Variants in SYT1 observed in about 807,000 individuals in gnomAD.
SYT1 encodes synaptotagmin 1.
In SYT1, 8 loss-of-function variants were observed where a neutral mutation model predicts 44.8. The observed-to-expected ratio is 0.18, with a 90% CI of 0.10 to 0.32. The LOEUF (loss-of-function observed/expected upper bound fraction) is 0.32, where lower values mean the gene tolerates loss of function less well. Ranked by LOEUF, SYT1 falls within the 10% of genes least tolerant of loss-of-function variation. SYT1 has a pLI of 1.00. For synonymous variants in SYT1, 154 were observed against 188.8 expected (o/e 0.82, Z 1.51); for missense variants, 286 against 509.3 (o/e 0.56, Z 4.22).
At chr12:78,966,076 C>CA (rs1355976130) in intron 1 of SYT1, among the ~76,000 whole-genome samples, 2,394 of 80,306 alleles carry the variant, frequency 0.03, 24 homozygotes, top group South Asian at 0.045. Flanking sequence ...GACTCTGTCT[C>CA]AAAAAAAAAA....
chr12:79,143,656 A>G (rs1869702634), intron 3 of SYT1, among the ~76,000 whole-genome samples: 2 of 152,228 alleles, frequency 1.3e-5, no homozygotes, highest in African/African-American at 4.8e-5. Flanking sequence ...ACAAGTAGTC[A>G]TCCTCAAATT....
chr12:79,293,185 G>A (rs1592937277), intron 6 of SYT1, among the ~76,000 whole-genome samples: 2 of 150,206 alleles, frequency 1.3e-5, no homozygotes, highest in Admixed American at 1.3e-4. Flanking sequence ...TTAGCTGGGC[G>A]TGGTGACAGG....
intron 3 of SYT1, among the ~76,000 whole-genome samples, chr12:79,195,589 G>T (rs996590482): frequency 6.6e-6 from 1 of 151,812 alleles, no homozygotes; most frequent in Non-Finnish European, 1.5e-5. Flanking sequence ...AGAAACATGG[G>T]GACTATTTGG....
rs954773850 is a variant in SYT1, at chr12:78,880,932, A to G, written c.-217+15823A>G. On this transcript the variant is annotated intron_variant, in intron 1 of 10. Transcript: ENST00000261205. ...TGAATTTTCCTCCTAACTATTGCTAATTTGTTTCTCTAATCTCACACTAAT... is the reference window on the plus strand; with the variant it reads ...TGAATTTTCCTCCTAACTATTGCTAGTTTGTTTCTCTAATCTCACACTAAT... Among the ~76,000 whole-genome samples the G allele has an allele frequency of 2.6e-5, 4 of 151,584 alleles. No homozygotes were observed. In the Admixed American group the frequency reaches 2.6e-4, roughly 10 times the overall value.
intron 4 of SYT1, among the ~76,000 whole-genome samples, chr12:79,244,522 A>G (rs560682102): frequency 3.3e-5 from 5 of 152,206 alleles, no homozygotes; most frequent in South Asian, 2.1e-4. Context: ...CCTGGCCAAC[A>G]TGGTAAAATC....
At chr12:79,256,323 A>G (rs544895109) in intron 4 of SYT1, among the ~76,000 whole-genome samples, 3 of 152,350 alleles carry the variant, frequency 2.0e-5, no homozygotes, top group East Asian at 1.9e-4. Context: ...AACCCATTCA[A>G]TGTTGAAAAC....
chr12:79,032,028 T>G (rs1326503737), intron 2 of SYT1, among the ~76,000 whole-genome samples: 2 of 151,268 alleles, frequency 1.3e-5, no homozygotes, highest in East Asian at 3.9e-4. Flanking sequence ...ATCAAGTAAC[T>G]TTTTTCACGT....
intron 1 of SYT1, among the ~76,000 whole-genome samples, chr12:78,970,076 C>T (rs1490949497): frequency 2.0e-5 from 3 of 152,094 alleles, no homozygotes; most frequent in Non-Finnish European, 4.4e-5. Flanking sequence ...GTAAAGATCT[C>T]AGTCAGTCCA....
At chr12:79,247,343 AT>A (rs1196681800) in intron 4 of SYT1, among the ~76,000 whole-genome samples, 3 of 152,208 alleles carry the variant, frequency 2.0e-5, no homozygotes, top group African/African-American at 7.2e-5. Flanking sequence ...TCTAATATGT[AT>A]AACTCATGAG....
intron 1 of SYT1, among the ~76,000 whole-genome samples, chr12:78,891,804 T>C (rs1237817718): frequency 6.6e-6 from 1 of 151,830 alleles, no homozygotes; most frequent in African/African-American, 2.4e-5. Context: ...CTACAGCTTC[T>C]CTTTAAAAGC....
At chr12:79,021,460 A>G (rs1387868828) in intron 2 of SYT1, among the ~76,000 whole-genome samples, 1 of 151,914 alleles carries the variant, frequency 6.6e-6, no homozygotes, top group African/African-American at 2.4e-5. Context: ...GCATATATAG[A>G]TAGTGAGGAG....
At chr12:79,411,543 C>T (rs1438059132) in intron 9 of SYT1, among the ~76,000 whole-genome samples, 1 of 152,098 alleles carries the variant, frequency 6.6e-6, no homozygotes, top group African/African-American at 2.4e-5. Context: ...AGTGACTTAG[C>T]TTTCCATGCA....
intron 3 of SYT1, among the ~76,000 whole-genome samples, chr12:79,207,036 T>A (rs182010113): frequency 1.3e-5 from 2 of 152,308 alleles, no homozygotes; most frequent in East Asian, 3.9e-4. Flanking sequence ...TTCTTCAAAG[T>A]TTTTCATAGT....
intron 4 of SYT1, among the ~76,000 whole-genome samples, chr12:79,244,723 A>G (rs1876718762): frequency 6.6e-6 from 1 of 151,968 alleles, no homozygotes; most frequent in Non-Finnish European, 1.5e-5. Context: ...AGAAAAAAAA[A>G]AAAAAAGCTA....
At chr12:79,126,737 C>T (rs1036059022) in intron 3 of SYT1, among the ~76,000 whole-genome samples, 7 of 152,056 alleles carry the variant, frequency 4.6e-5, no homozygotes, top group Non-Finnish European at 7.4e-5. Context: ...CCTAGATGTC[C>T]TGGATTAGTA....
intron 4 of SYT1, among the ~76,000 whole-genome samples, chr12:79,251,658 C>G (rs559302911): frequency 6.6e-6 from 1 of 152,278 alleles, no homozygotes; most frequent in Non-Finnish European, 1.5e-5. Flanking sequence ...GTGAAGAGCT[C>G]TGGGCTATAG....
chr12:79,123,706 A>C (rs1348110544), intron 3 of SYT1, among the ~76,000 whole-genome samples: 1 of 152,204 alleles, frequency 6.6e-6, no homozygotes, highest in South Asian at 2.1e-4. Flanking sequence ...GCAGGTGTCT[A>C]AAGGTTCTGT....
intron 2 of SYT1, among the ~76,000 whole-genome samples, chr12:79,029,796 G>T (rs937205357): frequency 2.0e-5 from 3 of 150,894 alleles, no homozygotes; most frequent in African/African-American, 7.3e-5. Context: ...TAAAGATAAT[G>T]ATTTTCTTCT....
At chr12:78,937,485 T>C (rs1431254276) in intron 1 of SYT1, among the ~76,000 whole-genome samples, 1 of 152,108 alleles carries the variant, frequency 6.6e-6, no homozygotes, top group Non-Finnish European at 1.5e-5. Context: ...CAATTATTAA[T>C]AATATTTTTA....
Sources: allele counts gnomAD v4.1 joint callset (sites outside exome capture counted in the v4.1 genomes callset), GRCh38; gene constraint gnomAD v4.1.1; transcripts MANE v1.5; gene names NCBI Gene and HGNC (gene_info 2026-07-23, HGNC 2026-07-21).